The following SLC6A17 variants were observed in gnomAD, a reference collection of about 807,000 sequenced individuals.
SLC6A17 encodes the protein solute carrier family 6 member 17.
In SLC6A17, 21 loss-of-function variants were observed where a neutral mutation model predicts 64.5. That is an observed-to-expected ratio of 0.33 (90% CI 0.23 to 0.47). The LOEUF (loss-of-function observed/expected upper bound fraction) is 0.47, where lower values mean the gene tolerates loss of function less well. SLC6A17 is among the 20% of genes least tolerant of loss of function. The probability of loss-of-function intolerance (pLI) is 1.00; values close to 1 mark genes in which losing one functional copy is unlikely to be tolerated. For missense variants in SLC6A17, 682 were observed against 963.2 expected (o/e 0.71, Z 3.86); for synonymous variants, 372 against 399.5 (o/e 0.93, Z 0.82).
Position 110,192,524 on chromosome 1 carries a change from A to C in SLC6A17, c.1125A>C (p.Leu375=), listed in dbSNP as rs773192618. 6.2e-7 allele frequency: 1 copy of C among 1,613,412 alleles called. No individual in the cohort carries two copies. Among genetic ancestry groups the C allele is most frequent in the South Asian group, 1.1e-5 (1 of 90,952 alleles). ...KCVVENAEKI[L]GYLNTNVLSR... The stretch of plus-strand genomic sequence containing the variant: ...GCTGCAGGAATGCTGAGAAAATCCT[A>C]GGGTACCTTAACACCAACGTCCTGA... The change falls in exon 8 of 12, where the codon CTA becomes CTC. Residue 375 remains leucine, a synonymous_variant. Coordinates refer to ENST00000331565, the MANE Select transcript of SLC6A17 (RefSeq NM_001010898.4). The surrounding 1 kb of genome is among the most constrained non-coding windows in gnomAD (Gnocchi z 4.3).
chr1:110,172,333 G>T, intron 3 of SLC6A17, 116 bp downstream of exon 3: 1 of 1,307,992 alleles, frequency 7.6e-7, no homozygotes, highest in Non-Finnish European at 1.0e-6. Flanking sequence ...AGGGCAGGGA[G>T]GGGGATCCTC....
At chr1:110,195,090 C>T in intron 9 of SLC6A17, 1 of 452,870 alleles carries the variant, frequency 2.2e-6, no homozygotes, top group Non-Finnish European at 4.1e-6. Flanking sequence ...GGCAGGGGCA[C>T]TCACTGGCCT....
Position 110,191,963 on chromosome 1 carries a change from C to T in SLC6A17, c.865-9C>T, listed in dbSNP as rs879213990. On this transcript the variant is annotated splice_polypyrimidine_tract_variant and intron_variant, in intron 6 of 11. Coordinates refer to ENST00000331565, the MANE Select transcript of SLC6A17 (RefSeq NM_001010898.4). ...CTTTTCTTCCTCCTGCCTTGGTCTTCTGCCATAGCTGGACAAGATGCTGGA... is the reference window on the plus strand; with the variant it reads ...CTTTTCTTCCTCCTGCCTTGGTCTTTTGCCATAGCTGGACAAGATGCTGGA... The T allele has an allele frequency of 5.0e-6, 8 of 1,611,168 alleles. No homozygotes were observed. In the South Asian group the frequency reaches 5.5e-5, roughly 11 times the overall value.
At position 110,198,106 on chromosome 1, in the gene SLC6A17, T is replaced by C. The variant is rs1261047595; in HGVS notation, c.1846T>C (p.Trp616Arg). The C allele has an allele frequency of 2.5e-6, 4 of 1,613,548 alleles. No individual in the cohort carries two copies. Among genetic ancestry groups the C allele is most frequent in the Non-Finnish European group, 3.4e-6 (4 of 1,179,852 alleles). Reference protein sequence around the residue: ...AAERYLYFPNWAMALLITLIV... With the variant: ...AAERYLYFPNRAMALLITLIV... ...CGAGCGCTACCTGTATTTCCCCAAC[T>C]GGGCCATGGCACTCCTGATCACCCT... The change falls in exon 12 of 12, where the codon TGG (tryptophan) becomes CGG (arginine). Residue 616 changes from tryptophan to arginine, a missense_variant. By Grantham distance (101) the Trp-to-Arg change is moderately radical (BLOSUM62 -3). This residue lies in a region of SLC6A17 where 264 missense variants were observed against 339.5 expected (regional missense o/e 0.78). Coordinates refer to ENST00000331565, the MANE Select transcript of SLC6A17 (RefSeq NM_001010898.4).
At chr1:110,176,608 G>A in intron 5 of SLC6A17, 21 bp from the exon 6 acceptor site, 1 of 1,610,658 alleles carries the variant, frequency 6.2e-7, no homozygotes, top group Non-Finnish European at 8.5e-7. Flanking sequence ...GCCTGATGGG[G>A]GTTCCCTGTC....
At chr1:110,155,598 C>T (rs1043706868) in intron 1 of SLC6A17, among the ~76,000 whole-genome samples, 4 of 152,190 alleles carry the variant, frequency 2.6e-5, no homozygotes, top group Non-Finnish European at 5.9e-5. Context: ...CCCCAGCTCA[C>T]AGGCCCTGGG....
chr1:110,172,267 C>CTGG, intron 3 of SLC6A17, 50 bp downstream of exon 3: 2 of 1,533,172 alleles, frequency 1.3e-6, no homozygotes, highest in South Asian at 2.4e-5. Context: ...GGGGCTGCTC[C>CTGG]TGGGCATTGG....
chr1:110,162,314 C>T (rs1162374357), intron 1 of SLC6A17, among the ~76,000 whole-genome samples: 2 of 152,252 alleles, frequency 1.3e-5, no homozygotes, highest in African/African-American at 2.4e-5. Context: ...TCCATTGTTA[C>T]AGGTGCCTGG....
rs748115531 is a variant in SLC6A17 at position 110,197,619 on chromosome 1, A to C, written c.1815+20A>C. ...GAGGAGGTGAGGGGTGGGGCCCCAA[A>C]CCCCAGGGACATTTGCATCTTCTCA... On this transcript the variant is annotated intron_variant, in intron 11 of 11. Transcript: ENST00000331565. 1.3e-6 allele frequency: 2 copies of C among 1,568,084 alleles called. No homozygotes were observed. The highest frequency in any genetic ancestry group is 3.5e-4 in the Middle Eastern group (2 of 5,636).
At chr1:110,162,278 A>G (rs979273716) in intron 1 of SLC6A17, among the ~76,000 whole-genome samples, 1 of 152,256 alleles carries the variant, frequency 6.6e-6, no homozygotes, top group Non-Finnish European at 1.5e-5. Context: ...GGAGGGTGGC[A>G]GGGCAGACAG....
Position 110,174,978 on chromosome 1 carries a change from C to T in SLC6A17, c.753+18C>T, listed in dbSNP as rs1371724661. On this transcript the variant is annotated intron_variant, in intron 5 of 11. Transcript: ENST00000331565. ...CGGGGAAGGTGAGTGCTGAGGGGGG[C>T]ACCCAGGACCCAAATGGGGAACAGC... 2 of 1,606,364 alleles carry T rather than the reference C, an allele frequency of 1.2e-6. No individual in the cohort carries two copies. The highest frequency in any genetic ancestry group is 1.7e-5 in the Admixed American group (1 of 59,652).
Position 110,200,374 on chromosome 1 carries a change from C to T in SLC6A17, c.*1930C>T, listed in dbSNP as rs147396520. 53 of 328,744 alleles carry T rather than the reference C, an allele frequency of 1.6e-4. No homozygotes were observed. In the East Asian group the frequency reaches 2.1e-3, roughly 13 times the overall value. The allele number at this position is 328,744 out of a possible 1,614,324, so 20.4% of individuals were successfully genotyped here. A position where few individuals can be genotyped will look rare whatever the true frequency, so the allele number is the denominator to read the frequency against. ...GGGCACAACATCCCACCGCAGTCCCCCTCACCCGACAACACCTCCTACCTG... is the reference window on the plus strand; with the variant it reads ...GGGCACAACATCCCACCGCAGTCCCTCTCACCCGACAACACCTCCTACCTG... On this transcript the variant is annotated 3_prime_UTR_variant, in exon 12 of 12. Transcript: ENST00000331565.
At chr1:110,153,391 C>T (rs573400957) in intron 1 of SLC6A17, among the ~76,000 whole-genome samples, 4 of 152,260 alleles carry the variant, frequency 2.6e-5, no homozygotes, top group African/African-American at 9.6e-5. Context: ...TTTTCTCCGT[C>T]TATAAAATGT....
At position 110,199,936 on chromosome 1, in the gene SLC6A17, TG is replaced by T; in HGVS notation, c.*1497del. On this transcript the variant is annotated 3_prime_UTR_variant, in exon 12 of 12. Transcript: ENST00000331565. ...ATGGATGGATGGATGGGTTGGGGGGTGGGGGTGGATGGATAGATGGATGGAT... is the reference window on the plus strand; with the variant it reads ...ATGGATGGATGGATGGGTTGGGGGGTGGGGTGGATGGATAGATGGATGGAT... 1 of 47,044 alleles carries T rather than the reference TG, an allele frequency of 2.1e-5. No homozygotes were observed. 2.9% of individuals were successfully genotyped at this position (47,044 alleles called of 1,614,324 possible).
intron 6 of SLC6A17, 99 bp from the exon 7 acceptor site, chr1:110,191,873 C>T: frequency 1.3e-6 from 2 of 1,525,510 alleles, no homozygotes; most frequent in Non-Finnish European, 1.8e-6. Context: ...GGGCTGCTGC[C>T]TCTGAACTCT....
rs186042089 is a variant in SLC6A17, at chr1:110,155,715, A to G, written c.-88+4832A>G. ...AAGTTGCCTGTCACTGTACGCCATC[A>G]TTTCTAATTAGTGGTTCAATTAGAA... On this transcript the variant is annotated intron_variant, in intron 1 of 11. Transcript: ENST00000331565. 2.0e-5 allele frequency among the ~76,000 whole-genome samples: 3 copies of G among 152,272 alleles called. No individual in the cohort carries two copies. The East Asian group carries it at 5.8e-4, about 29-fold the overall frequency.
intron 1 of SLC6A17, among the ~76,000 whole-genome samples, chr1:110,153,400 G>T (rs949091054): frequency 3.4e-4 from 51 of 152,152 alleles, no homozygotes; most frequent in African/African-American, 1.0e-3. Context: ...TCTATAAAAT[G>T]TCCAGATTTG....
chr1:110,168,498 G>T (rs1017150659), intron 2 of SLC6A17, among the ~76,000 whole-genome samples: 5 of 152,134 alleles, frequency 3.3e-5, no homozygotes, highest in African/African-American at 1.2e-4. Context: ...TAGCTGCATG[G>T]TCTCCTTGCT....
chr1:110,192,512 T>A lies in SLC6A17; in HGVS notation c.1113T>A (p.Ala371=). The change falls in exon 8 of 12, where the codon GCT becomes GCA. Residue 371 remains alanine (A), a synonymous_variant. Coordinates refer to ENST00000331565, the MANE Select transcript of SLC6A17 (RefSeq NM_001010898.4). This position sits in a 1 kb window ranked among gnomAD's most constrained non-coding sequence, Gnocchi z 4.3. ...IMNEKCVVEN[A]EKILGYLNTN... is the part of the protein sequence containing the mutation. Reference sequence around the variant, plus strand: ...TCTCGGTTTTGTGCTGCAGGAATGCTGAGAAAATCCTAGGGTACCTTAACA... The same window carrying A: ...TCTCGGTTTTGTGCTGCAGGAATGCAGAGAAAATCCTAGGGTACCTTAACA... The A allele has an allele frequency of 6.2e-7, 1 of 1,612,946 alleles. No individual in the cohort carries two copies. The highest frequency in any genetic ancestry group is 8.5e-7 in the Non-Finnish European group (1 of 1,179,358).
Sources: gnomAD v4.1 joint callset for allele counts (sites outside exome capture counted in the v4.1 genomes callset) on GRCh38, gnomAD v4.1.1 for gene constraint, gnomAD v4.1.1 regional missense constraint, Gnocchi (gnomAD v3.1) non-coding constraint, MANE v1.5 for transcripts, NCBI Gene and HGNC (gene_info 2026-07-23, HGNC 2026-07-21) for gene names.